CLVS1: variants seen among roughly 807,000 people sequenced by gnomAD.
CLVS1 encodes clavesin-1.
Under a neutral mutation model 33.1 loss-of-function variants are expected in CLVS1, and 10 were observed. The observed-to-expected ratio is 0.30, with a 90% CI of 0.19 to 0.51. The LOEUF (loss-of-function observed/expected upper bound fraction) is 0.51, where lower values mean the gene tolerates loss of function less well. Ranked by LOEUF, CLVS1 falls within the 20% of genes least tolerant of loss-of-function variation. The pLI is 0.97. For missense variants in CLVS1, 343 were observed against 433.4 expected, an observed-to-expected ratio of 0.79 and a Z score of 1.85; for synonymous variants, 163 against 166.1, an observed-to-expected ratio of 0.98 and a Z score of 0.14.
chr8:61,098,747 T>C (rs1805397160), intron 1 of CLVS1, among the ~76,000 whole-genome samples: 1 of 152,106 alleles, frequency 6.6e-6, no homozygotes, highest in Non-Finnish European at 1.5e-5. Context: ...CCTACTCATA[T>C]CCACCCCCAG....
At chr8:61,323,130 G>A (rs1177191935) in intron 2 of CLVS1, among the ~76,000 whole-genome samples, 3 of 152,094 alleles carry the variant, frequency 2.0e-5, no homozygotes, top group African/African-American at 7.2e-5. Flanking sequence ...TTTTCTGGAA[G>A]CCCACTCATG....
chr8:61,057,879 G>A (rs998027898), intron 1 of CLVS1, among the ~76,000 whole-genome samples: 2 of 152,142 alleles, frequency 1.3e-5, no homozygotes, highest in Non-Finnish European at 2.9e-5. Flanking sequence ...ACCCAACCTC[G>A]TGGGCTGTGC....
chr8:61,336,896 AT>A (rs1410960819), intron 2 of CLVS1, among the ~76,000 whole-genome samples: 1 of 152,246 alleles, frequency 6.6e-6, no homozygotes, highest in African/African-American at 2.4e-5. Flanking sequence ...AAACAAAAAA[AT>A]AAAACCTCTT....
chr8:61,155,050 G>T lies in CLVS1; in HGVS notation c.-152+23190G>T, dbSNP rs180833724. Among the ~76,000 whole-genome samples the T allele has an allele frequency of 3.9e-5, 6 of 152,224 alleles. No individual in the cohort carries two copies. The East Asian group carries it at 1.2e-3, about 29-fold the overall frequency. ...GGTGCCTAGAAGGTGAAGGAGAGTC[G>T]CAGGCTCTGGAGCTTTGGGCTGAGC... On this transcript the variant is annotated intron_variant, in intron 2 of 2. Coordinates refer to the CLVS1 transcript ENST00000522621.
intron 3 of CLVS1, among the ~76,000 whole-genome samples, chr8:61,442,804 T>G (rs1816610350): frequency 6.6e-6 from 1 of 152,190 alleles, no homozygotes; most frequent in South Asian, 2.1e-4. Flanking sequence ...TTCACCATAT[T>G]GGCCAGACTG....
chr8:61,120,001 C>G (rs1255687646), intron 1 of CLVS1, among the ~76,000 whole-genome samples: 1 of 146,070 alleles, frequency 6.8e-6, no homozygotes. Context: ...CCATCACTTT[C>G]AGGTACACCA....
At chr8:60,989,331 C>A in the CLVS1 span, among the ~76,000 whole-genome samples, 1 of 152,170 alleles carries the variant, frequency 6.6e-6, no homozygotes, top group Non-Finnish European at 1.5e-5. Flanking sequence ...CAGGCATGTG[C>A]CACCATGCCC....
At chr8:61,316,498 T>C (rs1811015160) in intron 2 of CLVS1, among the ~76,000 whole-genome samples, 1 of 152,326 alleles carries the variant, frequency 6.6e-6, no homozygotes, top group East Asian at 1.9e-4. Context: ...AAATATCCTA[T>C]TGGGATAGTA....
intron 3 of CLVS1, among the ~76,000 whole-genome samples, chr8:61,392,539 T>C (rs933827190): frequency 2.6e-5 from 4 of 152,068 alleles, no homozygotes; most frequent in African/African-American, 9.7e-5. Context: ...CCCTTTTACC[T>C]CTTAAAATCT....
chr8:61,203,166 G>T, intron 2 of CLVS1: 1 of 1,141,654 alleles, frequency 8.8e-7, no homozygotes. Context: ...GTGAAGAATT[G>T]CTTCCGGATG....
chr8:61,293,206 T>C (rs1810059281), intron 1 of CLVS1, among the ~76,000 whole-genome samples: 1 of 152,208 alleles, frequency 6.6e-6, no homozygotes, highest in Non-Finnish European at 1.5e-5. Flanking sequence ...CTGGTCACGT[T>C]ATGCTTTCAG....
intron 1 of CLVS1, among the ~76,000 whole-genome samples, chr8:61,068,199 G>GTATATA (rs377090795): frequency 2.2e-3 from 212 of 97,808 alleles, no homozygotes; most frequent in African/African-American, 9.2e-3. Context: ...ATGTGTATAT[G>GTATATA]TATATATATA....
At chr8:61,129,843 T>A (rs73685735) in intron 1 of CLVS1, among the ~76,000 whole-genome samples, 6,696 of 152,288 alleles carry the variant, frequency 0.044, 475 homozygotes, top group African/African-American at 0.15. Context: ...TTTGCAGACA[T>A]ATTTTAAAAG....
chr8:61,215,682 ATGTGTG>A (rs72193127), intron 2 of CLVS1, among the ~76,000 whole-genome samples: 1,526 of 143,802 alleles, frequency 0.011, 12 homozygotes, highest in African/African-American at 0.023. Flanking sequence ...GAAATTGAAA[ATGTGTG>A]TGTGTGTGTG....
intron 3 of CLVS1, chr8:61,377,464 G>A (rs1481331129): frequency 6.6e-6 from 1 of 152,160 alleles, no homozygotes; most frequent in African/African-American, 2.4e-5. Context: ...GGCATAGTTT[G>A]GAGACATTTT....
intron 2 of CLVS1, chr8:61,370,293 A>G (rs1008376488): frequency 1.3e-5 from 2 of 151,844 alleles, no homozygotes; most frequent in Non-Finnish European, 2.9e-5. Context: ...ATTTTGGTGC[A>G]CCTGTCACCT....
the CLVS1 span, among the ~76,000 whole-genome samples, chr8:61,027,352 G>A: frequency 2.2e-3 from 332 of 152,208 alleles, 3 homozygotes; most frequent in African/African-American, 7.8e-3. Flanking sequence ...CACCTTTATG[G>A]AATAAAAATG....
intron 1 of CLVS1, among the ~76,000 whole-genome samples, chr8:61,065,096 G>A (rs1804651201): frequency 6.6e-6 from 1 of 152,188 alleles, no homozygotes; most frequent in South Asian, 2.1e-4. Context: ...GTATCTGTGG[G>A]CAATTGGTTC....
At chr8:61,478,423 A>G (rs1159034832) in intron 5 of CLVS1, among the ~76,000 whole-genome samples, 2 of 152,152 alleles carry the variant, frequency 1.3e-5, no homozygotes, top group African/African-American at 4.8e-5. Context: ...GGGGTGTTGA[A>G]GTCTCCCATT....
Sources: allele counts gnomAD v4.1 joint callset (sites outside exome capture counted in the v4.1 genomes callset), GRCh38; gene constraint gnomAD v4.1.1; transcripts MANE v1.5; gene names NCBI Gene and HGNC (gene_info 2026-07-23, HGNC 2026-07-21).